Variants in CREB3L2 observed in about 807,000 individuals in gnomAD.
CREB3L2 encodes the protein cAMP responsive element binding protein 3 like 2.
A neutral mutation model predicts 57.2 loss-of-function variants in CREB3L2; 23 were observed. The ratio of observed to expected loss-of-function variants is 0.40; its 90% CI spans 0.29 to 0.57. The LOEUF (loss-of-function observed/expected upper bound fraction) is 0.57, where lower values mean the gene tolerates loss of function less well. CREB3L2 is among the 20% of genes least tolerant of loss of function. The pLI is 0.42. For synonymous variants in CREB3L2, 268 were observed against 265.1 expected (o/e 1.01, Z -0.11); for missense variants, 628 against 634.7 (o/e 0.99, Z 0.11).
At chr7:137,953,392 C>T (rs1172836667) in intron 1 of CREB3L2, 1 of 1,022,984 alleles carries the variant, frequency 9.8e-7, no homozygotes, top group Non-Finnish European at 1.3e-6. Context: ...TTCTCTGCAC[C>T]CACTCCAGTC....
At chr7:137,924,631 C>T (rs1800410117) in intron 2 of CREB3L2, among the ~76,000 whole-genome samples, 1 of 151,932 alleles carries the variant, frequency 6.6e-6, no homozygotes, top group African/African-American at 2.4e-5. Context: ...TGTTTTTTTT[C>T]TTCTTCCTTC....
chr7:138,001,606 T>A lies in CREB3L2; in HGVS notation c.100A>T (p.Thr34Ser). 6.2e-7 allele frequency: 1 copy of A among 1,611,348 alleles called. No homozygotes were observed. Among genetic ancestry groups the A allele is most frequent in the Non-Finnish European group, 8.5e-7 (1 of 1,178,402 alleles). Residue 34 changes from threonine to serine, a missense_variant and splice_region_variant, in exon 1 of 12, where the codon ACG (threonine) becomes TCG (serine). Thr to Ser is a moderately conservative substitution (Grantham distance 58). Around this residue, in one of 3 missense-constraint regions of CREB3L2, gnomAD observed 339 missense variants for 355.4 expected, o/e 0.95. Coordinates refer to ENST00000330387, the MANE Select transcript of CREB3L2 (RefSeq NM_194071.4). This position sits in a 1 kb window ranked among gnomAD's most constrained non-coding sequence, Gnocchi z 4.2. Reference protein sequence around the residue: ...PGDGEALMYHTHFSELLDEFS... With the variant: ...PGDGEALMYHSHFSELLDEFS... ...TGCCCCGCCCGCCGGGTCCTCACCG[T>A]GTGGTACATGAGGGCCTCGCCGTCC...
At position 137,959,074 on chromosome 7, in the gene CREB3L2, T is replaced by C. The variant is rs117000578; in HGVS notation, c.103-30708A>G. On this transcript the variant is annotated intron_variant, in intron 1 of 11. Transcript: ENST00000330387. Reference sequence around the variant, plus strand: ...ACCTATTGACTCCAAGAGACCAGAATTGACTTGTTAATGAGGACTGTAGAG... The same window carrying C: ...ACCTATTGACTCCAAGAGACCAGAACTGACTTGTTAATGAGGACTGTAGAG... Among the ~76,000 whole-genome samples the C allele has an allele frequency of 2.0e-5, 3 of 152,348 alleles. No individual in the cohort carries two copies. The East Asian group carries it at 5.8e-4, about 29-fold the overall frequency.
At position 137,877,939 on chromosome 7, in the gene CREB3L2, T is replaced by A. The variant is rs572268193; in HGVS notation, c.*2537A>T. On this transcript the variant is annotated 3_prime_UTR_variant, in exon 12 of 12. Coordinates refer to ENST00000330387, the MANE Select transcript of CREB3L2 (RefSeq NM_194071.4). ...TTTTGTCCTCCTAAAGGGACAACTG[T>A]TAGTTCCTTTAACCCACTCAAGCAA... 5 of 227,648 alleles carry A rather than the reference T, an allele frequency of 2.2e-5. No homozygotes were observed. The highest frequency in any genetic ancestry group is 4.4e-5 in the Non-Finnish European group (5 of 114,724). The allele number at this position is 227,648 out of a possible 1,614,324, so 14.1% of individuals were successfully genotyped here.
chr7:137,949,335 G>T (rs1461282803), intron 1 of CREB3L2, among the ~76,000 whole-genome samples: 2 of 152,288 alleles, frequency 1.3e-5, no homozygotes, highest in South Asian at 4.1e-4. Flanking sequence ...CAGAAACTGT[G>T]TCGTTGTAAG....
chr7:137,946,742 GT>G (rs1297187407), intron 1 of CREB3L2, among the ~76,000 whole-genome samples: 4 of 85,008 alleles, frequency 4.7e-5, no homozygotes, highest in African/African-American at 1.1e-4. Context: ...TTTATATATA[GT>G]TTTTTATAGT....
At chr7:137,933,497 A>C (rs1465227948) in intron 1 of CREB3L2, among the ~76,000 whole-genome samples, 2 of 152,224 alleles carry the variant, frequency 1.3e-5, no homozygotes, top group African/African-American at 4.8e-5. Flanking sequence ...AACGTTCTCT[A>C]ACTCTGCTAA....
intron 1 of CREB3L2, among the ~76,000 whole-genome samples, chr7:137,971,608 G>T (rs1801508872): frequency 6.6e-6 from 1 of 151,050 alleles, no homozygotes; most frequent in African/African-American, 2.4e-5. Flanking sequence ...GAATCCCCTG[G>T]ATCTCTTTCC....
intron 4 of CREB3L2, chr7:137,912,764 A>G: frequency 7.6e-7 from 1 of 1,320,554 alleles, no homozygotes; most frequent in Non-Finnish European, 1.0e-6. Context: ...AAAGTATGGT[A>G]ACACTTAGCT....
intron 1 of CREB3L2, among the ~76,000 whole-genome samples, chr7:137,982,689 A>G (rs571291930): frequency 6.6e-6 from 1 of 151,984 alleles, no homozygotes; most frequent in Admixed American, 6.5e-5. Flanking sequence ...AGTCAATTAA[A>G]CCTCTTTCCT....
chr7:137,943,723 A>G (rs1225540509), intron 1 of CREB3L2, among the ~76,000 whole-genome samples: 8 of 152,174 alleles, frequency 5.3e-5, no homozygotes, highest in African/African-American at 1.9e-4. Context: ...GAGATGTTCA[A>G]CCAGGCCATG....
rs1333845074 is a variant in CREB3L2 at position 137,888,662 on chromosome 7, CCTTT to C, written c.1044-3164_1044-3161del. 2.0e-5 allele frequency among the ~76,000 whole-genome samples: 3 copies of C among 152,080 alleles called. No individual in the cohort carries two copies. The East Asian group carries it at 5.8e-4, about 29-fold the overall frequency. ...ACAGAAAAGACCACATGGCTCAAAC[CCTTT>C]CCTCTTATTGCCAACCACTCTCTAT... On this transcript the variant is annotated intron_variant, in intron 8 of 11. Transcript: ENST00000330387.
intron 4 of CREB3L2, among the ~76,000 whole-genome samples, chr7:137,909,131 C>T (rs1028476580): frequency 7.9e-5 from 12 of 152,156 alleles, no homozygotes; most frequent in African/African-American, 2.2e-4. Flanking sequence ...TGAAAAAAGC[C>T]GGTTTGTTTC....
intron 1 of CREB3L2, among the ~76,000 whole-genome samples, chr7:137,945,727 A>G (rs1800960776): frequency 6.6e-6 from 1 of 152,200 alleles, no homozygotes; most frequent in Non-Finnish European, 1.5e-5. Context: ...AAGTATGGTT[A>G]CCTACAGGTG....
chr7:137,876,352 G>C lies in CREB3L2; in HGVS notation c.*4124C>G, dbSNP rs1204268060. 1 of 233,276 alleles carries C rather than the reference G, an allele frequency of 4.3e-6. No individual in the cohort carries two copies. Among genetic ancestry groups the C allele is most frequent in the Admixed American group, 5.6e-5 (1 of 17,784 alleles). The allele number at this position is 233,276 out of a possible 1,614,324, so 14.5% of individuals were successfully genotyped here. A position where few individuals can be genotyped will look rare whatever the true frequency, so the allele number is the denominator to read the frequency against. On this transcript the variant is annotated 3_prime_UTR_variant, in exon 12 of 12. Coordinates refer to ENST00000330387, the MANE Select transcript of CREB3L2 (RefSeq NM_194071.4). ...TGCACGTGTGTGTGTGTGTGTGTGT[G>C]TGTGTGTGTGTGTGTGTCAGAGAGA... is the stretch of plus-strand genomic sequence containing the variant.
rs1314791208 is a variant in CREB3L2 at position 137,877,980 on chromosome 7, G to A, written c.*2496C>T. ...ACTCAAGCAAGGAGTGGAGGGCAGA[G>A]GTTTATCTAAAAGAGCAGTGATGTT... On this transcript the variant is annotated 3_prime_UTR_variant, in exon 12 of 12. Coordinates refer to ENST00000330387, the MANE Select transcript of CREB3L2 (RefSeq NM_194071.4). The A allele has an allele frequency of 2.2e-5, 5 of 227,922 alleles. No homozygotes were observed. In the Admixed American group the frequency reaches 2.8e-4, roughly 13 times the overall value. 14.1% of individuals were successfully genotyped at this position (227,922 alleles called of 1,614,324 possible).
At chr7:137,886,464 G>A (rs1251589093) in intron 8 of CREB3L2, among the ~76,000 whole-genome samples, 1 of 152,066 alleles carries the variant, frequency 6.6e-6, no homozygotes. Context: ...TTCACAGGCA[G>A]GTTAGAAGAG....
intron 10 of CREB3L2, among the ~76,000 whole-genome samples, chr7:137,883,981 T>TA (rs573315482): frequency 1.3e-3 from 193 of 144,116 alleles, no homozygotes; most frequent in Non-Finnish European, 2.3e-3. Context: ...ATCTTGGGCA[T>TA]AAGGTTTTGG....
At position 137,991,026 on chromosome 7, in the gene CREB3L2, A is replaced by C. The variant is rs180826212; in HGVS notation, c.102+10578T>G. 6.4e-3 allele frequency among the ~76,000 whole-genome samples: 974 copies of C among 152,246 alleles called. 10 individuals carry two copies. The highest frequency in any genetic ancestry group is 0.022 in the African/African-American group (918 of 41,522). On this transcript the variant is annotated intron_variant, in intron 1 of 11. Coordinates refer to ENST00000330387, the MANE Select transcript of CREB3L2 (RefSeq NM_194071.4). ...CTTTATTTTGTCTGGGTTTCACTTA[A>C]ACAAAGTTTTAAGTCAGAAAACAGA...
Sources: allele counts gnomAD v4.1 joint callset (sites outside exome capture counted in the v4.1 genomes callset), GRCh38; gene constraint gnomAD v4.1.1; regional missense constraint gnomAD v4.1.1; non-coding constraint Gnocchi (gnomAD v3.1); transcripts MANE v1.5; gene names NCBI Gene and HGNC (gene_info 2026-07-23, HGNC 2026-07-21).